The following FAM168A variants were observed in gnomAD, a reference collection of about 807,000 sequenced individuals.
FAM168A encodes the protein protein FAM168A.
FAM168A carries 3 observed loss-of-function variants against 28.5 expected under a neutral mutation model. That is an observed-to-expected ratio of 0.11 (90% confidence interval 0.05 to 0.27). FAM168A has a LOEUF of 0.27. FAM168A is among the 10% of genes least tolerant of loss of function. The pLI is 1.00. For missense variants in FAM168A, 222 were observed against 311.5 expected, an observed-to-expected ratio of 0.71 and a Z score of 2.16; for synonymous variants, 122 against 124.2, an observed-to-expected ratio of 0.98 and a Z score of 0.12.
In FAM168A at chr11:73,558,409, C is replaced by T. The variant is rs576826440; in HGVS notation, c.-19+39514G>A. ...ACTTGAGCCCAGGAATTCAAGGCTG[C>T]GGTGAACTATGATCATGCCACTGTA... is the stretch of plus-strand genomic sequence containing the variant. On this transcript the variant is annotated intron_variant, in intron 1 of 7. Coordinates refer to ENST00000356467, the MANE Select transcript of FAM168A (RefSeq NM_015159.3). Among the ~76,000 whole-genome samples the T allele has an allele frequency of 1.5e-4, 21 of 142,644 alleles. No individual in the cohort carries two copies. The South Asian group carries it at 3.6e-3, about 25-fold the overall frequency. 93.6% of individuals were successfully genotyped at this position (142,644 alleles called of 152,430 possible).
At chr11:73,593,090 A>C (rs1280943612) in intron 1 of FAM168A, among the ~76,000 whole-genome samples, 1 of 152,218 alleles carries the variant, frequency 6.6e-6, no homozygotes, top group Non-Finnish European at 1.5e-5. Context: ...AAGGTAAAAA[A>C]TATACTGTTT....
At chr11:73,589,005 G>T (rs1288507213) in intron 1 of FAM168A, among the ~76,000 whole-genome samples, 1 of 152,090 alleles carries the variant, frequency 6.6e-6, no homozygotes, top group Non-Finnish European at 1.5e-5. Context: ...CAGTAAGAGA[G>T]CCCTAACCAA....
intron 1 of FAM168A, among the ~76,000 whole-genome samples, chr11:73,484,271 A>G (rs1290543402): frequency 2.0e-5 from 3 of 152,160 alleles, no homozygotes; most frequent in Non-Finnish European, 4.4e-5. Flanking sequence ...TTAAGGATGT[A>G]TAAGCTGAAT....
intron 1 of FAM168A, among the ~76,000 whole-genome samples, chr11:73,557,444 G>A (rs1317210050): frequency 1.3e-5 from 2 of 151,810 alleles, no homozygotes; most frequent in South Asian, 2.1e-4. Flanking sequence ...TGCCTAGGCT[G>A]GTCTTGAACT....
At chr11:73,508,205 G>C (rs970704181) in intron 1 of FAM168A, among the ~76,000 whole-genome samples, 1 of 152,062 alleles carries the variant, frequency 6.6e-6, no homozygotes, top group Non-Finnish European at 1.5e-5. Context: ...CCTCTAGATT[G>C]TTTATTAAAA....
At chr11:73,426,118 TG>T (rs1336017362) in intron 3 of FAM168A, among the ~76,000 whole-genome samples, 1 of 152,232 alleles carries the variant, frequency 6.6e-6, no homozygotes, top group Non-Finnish European at 1.5e-5. Context: ...GAAAATGTTT[TG>T]TCAAAAGATT....
At chr11:73,541,072 G>C (rs1943650812) in intron 1 of FAM168A, among the ~76,000 whole-genome samples, 1 of 151,932 alleles carries the variant, frequency 6.6e-6, no homozygotes, top group Non-Finnish European at 1.5e-5. Context: ...GGGTGTAGTG[G>C]TGCGTGCCTG....
chr11:73,531,757 T>TG (rs1367356431), intron 1 of FAM168A, among the ~76,000 whole-genome samples: 1 of 151,822 alleles, frequency 6.6e-6, no homozygotes, highest in Non-Finnish European at 1.5e-5. Context: ...ATTCCCCTTC[T>TG]GTCTAAAGAG....
At chr11:73,486,061 T>C (rs985389457) in intron 1 of FAM168A, among the ~76,000 whole-genome samples, 4 of 152,180 alleles carry the variant, frequency 2.6e-5, no homozygotes, top group South Asian at 2.1e-4. Flanking sequence ...CTACCTACTA[T>C]ACAAATGTAA....
intron 1 of FAM168A, among the ~76,000 whole-genome samples, chr11:73,558,275 C>G (rs974309092): frequency 6.6e-6 from 1 of 151,886 alleles, no homozygotes; most frequent in Non-Finnish European, 1.5e-5. Flanking sequence ...TCAGCTTGGG[C>G]AAATAGCAAG....
intron 2 of FAM168A, among the ~76,000 whole-genome samples, chr11:73,440,205 T>G (rs1159396101): frequency 6.6e-6 from 1 of 152,108 alleles, no homozygotes; most frequent in African/African-American, 2.4e-5. Flanking sequence ...ATTCTACTGT[T>G]CCATTTAAAG....
At chr11:73,492,634 G>A (rs1868145203) in intron 1 of FAM168A, among the ~76,000 whole-genome samples, 1 of 151,788 alleles carries the variant, frequency 6.6e-6, no homozygotes, top group African/African-American at 2.4e-5. Flanking sequence ...AGCAAAACCT[G>A]TCTCAATAAA....
intron 2 of FAM168A, among the ~76,000 whole-genome samples, chr11:73,456,238 T>C (rs1222281358): frequency 6.6e-6 from 1 of 152,202 alleles, no homozygotes; most frequent in African/African-American, 2.4e-5. Context: ...ATGCAAAACC[T>C]TAAATAAAAT....
At chr11:73,464,798 G>A (rs930456141) in intron 2 of FAM168A, among the ~76,000 whole-genome samples, 1 of 151,870 alleles carries the variant, frequency 6.6e-6, no homozygotes, top group African/African-American at 2.4e-5. Context: ...CAAGTCAGTG[G>A]CTAGCCCTGT....
At chr11:73,577,727 A>C (rs1352170034) in intron 1 of FAM168A, among the ~76,000 whole-genome samples, 1 of 152,194 alleles carries the variant, frequency 6.6e-6, no homozygotes, top group Non-Finnish European at 1.5e-5. Context: ...TCTGACTACA[A>C]ACTCATTGCT....
At chr11:73,421,073 G>C (rs192012009) in intron 3 of FAM168A, among the ~76,000 whole-genome samples, 149 of 141,300 alleles carry the variant, frequency 1.1e-3, no homozygotes, top group Non-Finnish European at 1.4e-3. Context: ...TAAAGTCTTG[G>C]GGGGGGGGTC....
chr11:73,465,313 A>G (rs1006025228), intron 2 of FAM168A, among the ~76,000 whole-genome samples: 1 of 151,012 alleles, frequency 6.6e-6, no homozygotes, highest in Non-Finnish European at 1.5e-5. Context: ...AGAAAAGATG[A>G]GAAGAATGTT....
chr11:73,436,196 A>C (rs1054169892), intron 2 of FAM168A, among the ~76,000 whole-genome samples: 3 of 152,256 alleles, frequency 2.0e-5, no homozygotes, highest in African/African-American at 7.2e-5. Flanking sequence ...TGTCAATACA[A>C]TCTAAGCCTC....
chr11:73,539,143 T>G (rs1483468246), intron 1 of FAM168A, among the ~76,000 whole-genome samples: 1 of 152,234 alleles, frequency 6.6e-6, no homozygotes, highest in Non-Finnish European at 1.5e-5. Flanking sequence ...ATCTGGGTCT[T>G]CATTTTCTCA....
Sources: gnomAD v4.1 joint callset for allele counts (sites outside exome capture counted in the v4.1 genomes callset) on GRCh38, gnomAD v4.1.1 for gene constraint, MANE v1.5 for transcripts, NCBI Gene and HGNC (gene_info 2026-07-23, HGNC 2026-07-21) for gene names.